The following FOXJ3 variants were observed in gnomAD, a reference collection of about 807,000 sequenced individuals.
The protein encoded by FOXJ3 is forkhead box protein J3.
FOXJ3 carries 22 observed loss-of-function variants against 76.1 expected under a neutral mutation model. The observed-to-expected ratio is 0.29, with a 90% confidence interval of 0.21 to 0.41. The LOEUF (loss-of-function observed/expected upper bound fraction) is 0.41, where lower values mean the gene tolerates loss of function less well. FOXJ3 is among the 10% of genes least tolerant of loss of function. The pLI is 1.00. For synonymous variants in FOXJ3, 269 were observed against 261.2 expected (o/e 1.03, Z -0.29); for missense variants, 613 against 762.1 (o/e 0.80, Z 2.30).
Position 42,311,055 on chromosome 1 carries a change from T to G in FOXJ3, c.39A>C (p.Ser13=), listed in dbSNP as rs756195796. 6 of 1,583,788 alleles carry G rather than the reference T, an allele frequency of 3.8e-6. No individual in the cohort carries two copies. The highest frequency in any genetic ancestry group is 5.1e-6 in the Non-Finnish European group (6 of 1,168,220). Residue 13 remains serine, a synonymous_variant, in exon 2 of 13, where the codon TCA becomes TCC. Coordinates refer to ENST00000361346, the MANE Select transcript of FOXJ3 (RefSeq NM_014947.5). Reference sequence around the variant, plus strand: ...AAAAAAAAAAGAGCACTCACCTTAATGAAGTTACAGATGGACAAGCCTGTC... The same window carrying G: ...AAAAAAAAAAGAGCACTCACCTTAAGGAAGTTACAGATGGACAAGCCTGTC... The part of the protein sequence containing the change: ...LYGQACPSVT[S]LRMTSELESS...
chr1:42,310,754 T>C (rs1390051976), intron 2 of FOXJ3, among the ~76,000 whole-genome samples: 3 of 152,176 alleles, frequency 2.0e-5, no homozygotes, highest in African/African-American at 7.2e-5. Context: ...CCAGCCCAGA[T>C]TAGTCTTTTT....
At chr1:42,222,026 AGGGGGAGGAG>A (rs1647212781) in intron 5 of FOXJ3, among the ~76,000 whole-genome samples, 1 of 2,540 alleles carries the variant, frequency 3.9e-4, no homozygotes, top group African/African-American at 1.3e-3. Flanking sequence ...GAGAAGGGGG[AGGGGGAGGAG>A]AAGGAGAAGG....
chr1:42,329,485 A>C (rs1328478352), intron 1 of FOXJ3, among the ~76,000 whole-genome samples: 1 of 152,212 alleles, frequency 6.6e-6, no homozygotes, highest in Admixed American at 6.5e-5. Flanking sequence ...TGGAAGAGGT[A>C]AAGAATAACC....
intron 3 of FOXJ3, among the ~76,000 whole-genome samples, chr1:42,269,393 A>G (rs1398627033): frequency 5.3e-5 from 8 of 152,104 alleles, no homozygotes; most frequent in South Asian, 2.1e-4. Context: ...GGAAGTACAC[A>G]CCTCTACAGT....
chr1:42,278,614 T>C lies in FOXJ3; in HGVS notation c.103A>G (p.Met35Val). The change falls in exon 3 of 13, where the codon ATG (methionine) becomes GTG (valine). Residue 35 changes from methionine (M) to valine (V), a missense_variant. By Grantham distance (21) the Met-to-Val change is conservative. Around this residue, in one of 3 missense-constraint regions of FOXJ3, gnomAD observed 77 missense variants for 115.1 expected, o/e 0.67. Transcript: ENST00000361346. ...TSMDWLPQLT[M>V]RAAIQKSDAT... ...TCAGATTTTTGGATGGCTGCTCTCA[T>C]GGTGAGCTGTGGTAACCAGTCCATA... The C allele has an allele frequency of 6.2e-7, 1 of 1,614,172 alleles. No individual in the cohort carries two copies. Among genetic ancestry groups the C allele is most frequent in the African/African-American group, 1.3e-5 (1 of 75,048 alleles).
intron 4 of FOXJ3, among the ~76,000 whole-genome samples, chr1:42,260,517 A>G (rs1434299983): frequency 6.6e-6 from 1 of 152,166 alleles, no homozygotes; most frequent in East Asian, 1.9e-4. Context: ...TCCAGGCAAC[A>G]TAGTGAGAAC....
chr1:42,279,555 C>T (rs1438988989), intron 2 of FOXJ3, among the ~76,000 whole-genome samples: 3 of 152,078 alleles, frequency 2.0e-5, no homozygotes, highest in African/African-American at 7.2e-5. Flanking sequence ...AGACCATTAC[C>T]ACACAAAGAA....
At chr1:42,217,003 T>C (rs1396148987) in intron 5 of FOXJ3, among the ~76,000 whole-genome samples, 1 of 152,116 alleles carries the variant, frequency 6.6e-6, no homozygotes, top group Non-Finnish European at 1.5e-5. Context: ...AAAGCAAGAC[T>C]GATAAATGCT....
At chr1:42,312,473 C>T (rs918053548) in intron 1 of FOXJ3, among the ~76,000 whole-genome samples, 3 of 152,216 alleles carry the variant, frequency 2.0e-5, no homozygotes, top group African/African-American at 7.2e-5. Flanking sequence ...ATTATCCCTG[C>T]ATACACTGAA....
chr1:42,258,460 T>C (rs748692450), intron 4 of FOXJ3, among the ~76,000 whole-genome samples: 5 of 152,186 alleles, frequency 3.3e-5, no homozygotes, highest in Non-Finnish European at 7.3e-5. Context: ...ATAGGTTAAA[T>C]AGCTACTGAG....
At chr1:42,334,382 A>G (rs1656337976) in intron 1 of FOXJ3, among the ~76,000 whole-genome samples, 1 of 152,160 alleles carries the variant, frequency 6.6e-6, no homozygotes, top group Admixed American at 6.5e-5. Flanking sequence ...CCATCCCGTT[A>G]ACCTCCCTCC....
At chr1:42,259,990 T>C (rs1650909039) in intron 4 of FOXJ3, among the ~76,000 whole-genome samples, 1 of 152,230 alleles carries the variant, frequency 6.6e-6, no homozygotes, top group Non-Finnish European at 1.5e-5. Flanking sequence ...TCAATAAATA[T>C]GACATTCTTA....
intron 5 of FOXJ3, among the ~76,000 whole-genome samples, chr1:42,214,725 C>T (rs1647031627): frequency 6.6e-6 from 1 of 152,304 alleles, no homozygotes; most frequent in Non-Finnish European, 1.5e-5. Context: ...GGAGTGCAGA[C>T]AGCTAAAGCT....
At chr1:42,289,149 T>C (rs1000316545) in intron 2 of FOXJ3, among the ~76,000 whole-genome samples, 1 of 151,872 alleles carries the variant, frequency 6.6e-6, no homozygotes, top group Non-Finnish European at 1.5e-5. Flanking sequence ...TTCAGTCTTT[T>C]GGTCTCTTCT....
chr1:42,310,740 G>T (rs1009051982), intron 2 of FOXJ3, among the ~76,000 whole-genome samples: 1 of 152,096 alleles, frequency 6.6e-6, no homozygotes, highest in Admixed American at 6.5e-5. Flanking sequence ...GTGAGCCACC[G>T]CGCCCAGCCC....
In FOXJ3 at chr1:42,195,046, A is replaced by G; in HGVS notation, c.778T>C (p.Ser260Pro). The change falls in exon 8 of 13, where the codon TCA (serine) becomes CCA (proline). Residue 260 changes from serine to proline, a missense_variant. Ser to Pro is a moderately conservative substitution (Grantham distance 74). Transcript: ENST00000361346. ...TGAGGAGTTAATGATTGAGAGACTG[A>G]TTCTGGATGGCTTGTCACCTAACAT... ...SYTPVTSHPE[S>P]VSQSLTPQQQ... is the part of the protein sequence containing the mutation. 1 of 1,604,666 alleles carries G rather than the reference A, an allele frequency of 6.2e-7. No individual in the cohort carries two copies. The highest frequency in any genetic ancestry group is 1.1e-5 in the South Asian group (1 of 88,498).
intron 3 of FOXJ3, among the ~76,000 whole-genome samples, chr1:42,272,028 T>C (rs1651902411): frequency 6.6e-6 from 1 of 152,254 alleles, no homozygotes; most frequent in African/African-American, 2.4e-5. Flanking sequence ...GAGGTATTTT[T>C]AATATGTAAT....
chr1:42,294,324 T>C (rs1445328116), intron 2 of FOXJ3, among the ~76,000 whole-genome samples: 1 of 152,224 alleles, frequency 6.6e-6, no homozygotes, highest in Admixed American at 6.5e-5. Flanking sequence ...TACTATACTT[T>C]GTCCGTACCA....
At chr1:42,210,457 G>A (rs568023686) in intron 5 of FOXJ3, among the ~76,000 whole-genome samples, 1 of 152,238 alleles carries the variant, frequency 6.6e-6, no homozygotes, top group South Asian at 2.1e-4. Context: ...TCTTTTGCAA[G>A]CATCACCTCT....
Sources: allele counts gnomAD v4.1 joint callset (sites outside exome capture counted in the v4.1 genomes callset), GRCh38; gene constraint gnomAD v4.1.1; regional missense constraint gnomAD v4.1.1; transcripts MANE v1.5; gene names NCBI Gene and HGNC (gene_info 2026-07-23, HGNC 2026-07-21).